FAM151B: variants seen among roughly 807,000 people sequenced by gnomAD.
The protein encoded by FAM151B is family with sequence similarity 151 member B.
Under a neutral mutation model 31.2 loss-of-function variants are expected in FAM151B, and 24 were observed. That is an observed-to-expected ratio of 0.77 (90% confidence interval 0.56 to 1.08). The LOEUF (loss-of-function observed/expected upper bound fraction) is 1.08. Among genes scored for constraint, FAM151B ranks in the 50% least tolerant of loss-of-function variants. The pLI is 0.00. For synonymous variants in FAM151B, 105 were observed against 111.4 expected (o/e 0.94, Z 0.36); for missense variants, 293 against 328.6 (o/e 0.89, Z 0.84).
intron 1 of FAM151B, among the ~76,000 whole-genome samples, 199 bp from the exon 2 acceptor site, chr5:80,501,593 C>G (rs772381393): frequency 2.3e-4 from 35 of 151,574 alleles, no homozygotes; most frequent in South Asian, 6.2e-4. Context: ...TCTTGCCACA[C>G]AGAGAAAACA....
intron 5 of FAM151B, among the ~76,000 whole-genome samples, chr5:80,534,612 G>A (rs1033062377): frequency 2.0e-5 from 3 of 152,160 alleles, no homozygotes; most frequent in Non-Finnish European, 2.9e-5. Context: ...ATGCCTCAAC[G>A]TAATAAAAGC....
intron 4 of FAM151B, among the ~76,000 whole-genome samples, 177 bp downstream of exon 4, chr5:80,520,087 T>C (rs565754821): frequency 5.1e-4 from 77 of 152,336 alleles, no homozygotes; most frequent in Non-Finnish European, 8.8e-4. Context: ...ATAGATGCCA[T>C]GTTCACTGGT....
rs989674204 is a variant in FAM151B at position 80,493,488 on chromosome 5, G to A, written c.25+5340G>A. The stretch of plus-strand genomic sequence containing the variant: ...ACTGCCTGCGGGGTTGGGCAGAATC[G>A]AGCCATATTTTCCTTCTTGCAGAAA... On this transcript the variant is annotated intron_variant, in intron 1 of 5. Transcript: ENST00000282226. Among the ~76,000 whole-genome samples, 39 of 152,260 alleles carry A rather than the reference G, an allele frequency of 2.6e-4. 1 individual carries two copies. Among genetic ancestry groups the A allele is most frequent in the Admixed American group, 1.5e-3 (23 of 15,298 alleles).
chr5:80,525,874 G>T, intron 5 of FAM151B, among the ~76,000 whole-genome samples: 1 of 65,578 alleles, frequency 1.5e-5, no homozygotes, highest in African/African-American at 6.8e-5. Flanking sequence ...GTGCCTGTAT[G>T]CATATATATA....
chr5:80,508,549 G>A (rs903802948), intron 2 of FAM151B, among the ~76,000 whole-genome samples: 4 of 151,782 alleles, frequency 2.6e-5, no homozygotes, highest in African/African-American at 9.7e-5. Context: ...ATCTCTTTGT[G>A]TGCTTTTTGG....
chr5:80,513,699 G>C lies in FAM151B; in HGVS notation c.247G>C (p.Asp83His), dbSNP rs1744289481. The C allele has an allele frequency of 6.2e-7, 1 of 1,614,080 alleles. No individual in the cohort carries two copies. The highest frequency in any genetic ancestry group is 1.7e-5 in the Admixed American group (1 of 60,004). Residue 83 changes from aspartate (D) to histidine (H), a missense_variant, in exon 3 of 6, where the codon GAT becomes CAT. Transcript: ENST00000282226. ...GGCCCATCCCCCTGAAACAAACAGT[G>C]ATAATACTCTACAGGAGTGGCTGAC... is the stretch of plus-strand genomic sequence containing the variant. ...IMAHPPETNS[D>H]NTLQEWLTEV...
intron 2 of FAM151B, among the ~76,000 whole-genome samples, chr5:80,509,034 C>T (rs544903466): frequency 2.6e-5 from 4 of 152,200 alleles, no homozygotes; most frequent in East Asian, 1.9e-4. Flanking sequence ...AGTGCAGTGA[C>T]GCAATCACAG....
chr5:80,538,459 TTTCTTTCTTTCTTTCTTTC>T (rs1561383667), intron 5 of FAM151B, among the ~76,000 whole-genome samples: 3 of 74,972 alleles, frequency 4.0e-5, no homozygotes, highest in African/African-American at 1.5e-4. Context: ...TCTTTCTTTC[TTTCTTTCTTTCTTTCTTTC>T]TTTCTTTCCT....
chr5:80,510,611 T>C (rs1008955352), intron 2 of FAM151B: 1 of 152,200 alleles, frequency 6.6e-6, no homozygotes, highest in African/African-American at 2.4e-5. Context: ...TAATATCTAA[T>C]TGAATCCCCA....
intron 5 of FAM151B, 62 bp from the exon 6 acceptor site, chr5:80,541,611 T>C: frequency 6.6e-7 from 1 of 1,508,872 alleles, no homozygotes. Flanking sequence ...TTTAGGCTTA[T>C]TGGAATGACT....
intron 3 of FAM151B, chr5:80,518,812 A>G (rs914715363): frequency 6.6e-6 from 1 of 152,200 alleles, no homozygotes; most frequent in Non-Finnish European, 1.5e-5. Context: ...AAGCATAGAC[A>G]GAAGTACTGC....
At chr5:80,541,198 A>G (rs1745870765) in intron 5 of FAM151B, among the ~76,000 whole-genome samples, 1 of 152,232 alleles carries the variant, frequency 6.6e-6, no homozygotes, top group Non-Finnish European at 1.5e-5. Flanking sequence ...TATCTCATAC[A>G]AAAACCTCCA....
chr5:80,509,412 C>T (rs1271575492), intron 2 of FAM151B, among the ~76,000 whole-genome samples: 1 of 152,150 alleles, frequency 6.6e-6, no homozygotes, highest in Non-Finnish European at 1.5e-5. Flanking sequence ...CCGCCTTCCA[C>T]CAGATGAAAA....
intron 2 of FAM151B, among the ~76,000 whole-genome samples, chr5:80,504,742 T>A (rs540500398): frequency 1.3e-5 from 2 of 152,120 alleles, no homozygotes; most frequent in South Asian, 2.1e-4. Context: ...ATGGTCTCCA[T>A]CTCCTGATCT....
At chr5:80,501,145 C>T in intron 1 of FAM151B, 1 of 362,282 alleles carries the variant, frequency 2.8e-6, no homozygotes, top group Non-Finnish European at 5.1e-6. Flanking sequence ...TCTGGAGTAA[C>T]TGGGATTACA....
At chr5:80,515,202 G>A (rs932679457) in intron 3 of FAM151B, among the ~76,000 whole-genome samples, 3 of 151,734 alleles carry the variant, frequency 2.0e-5, no homozygotes, top group Non-Finnish European at 2.9e-5. Flanking sequence ...ATTGCGCCAC[G>A]GCACTCCAGC....
chr5:80,498,630 T>G, intron 1 of FAM151B: 1 of 770,598 alleles, frequency 1.3e-6, no homozygotes, highest in Non-Finnish European at 2.3e-6. Context: ...ACCATCTGAA[T>G]GGCACTCTCG....
intron 1 of FAM151B, among the ~76,000 whole-genome samples, chr5:80,489,142 A>G (rs887974870): frequency 2.6e-5 from 4 of 152,182 alleles, no homozygotes; most frequent in Non-Finnish European, 5.9e-5. Context: ...ATTGTATACA[A>G]TTATATTGTA....
intron 1 of FAM151B, among the ~76,000 whole-genome samples, chr5:80,499,559 G>T (rs923591239): frequency 3.9e-5 from 6 of 151,908 alleles, no homozygotes; most frequent in African/African-American, 1.5e-4. Context: ...ATATAGCTTT[G>T]GCTTTACATC....
Sources: allele counts gnomAD v4.1 joint callset (sites outside exome capture counted in the v4.1 genomes callset), GRCh38; gene constraint gnomAD v4.1.1; transcripts MANE v1.5; gene names NCBI Gene and HGNC (gene_info 2026-07-23, HGNC 2026-07-21).